Variants in GALNT17 observed in about 807,000 individuals in gnomAD.
The protein encoded by GALNT17 is polypeptide N-acetylgalactosaminyltransferase 17, also known as UDP-GalNAc:polypeptide N-acetylgalactosaminyltransferase-like 3.
In GALNT17, 29 loss-of-function variants were observed where a neutral mutation model predicts 63.7. The ratio of observed to expected loss-of-function variants is 0.46; its 90% CI spans 0.34 to 0.62. The LOEUF (loss-of-function observed/expected upper bound fraction) is 0.62. Ranked by LOEUF, GALNT17 falls within the 20% of genes least tolerant of loss-of-function variation. The pLI is 0.01. For missense variants in GALNT17, 603 were observed against 799.6 expected (o/e 0.75, Z 2.97); for synonymous variants, 305 against 318.3 (o/e 0.96, Z 0.45).
At chr7:71,463,545 G>A (rs1320748617) in intron 5 of GALNT17, among the ~76,000 whole-genome samples, 1 of 152,046 alleles carries the variant, frequency 6.6e-6, no homozygotes. Flanking sequence ...AGAAAGTAAA[G>A]GAATGAAAAA....
intron 5 of GALNT17, among the ~76,000 whole-genome samples, chr7:71,562,242 G>C (rs181095389): frequency 1.5e-3 from 222 of 152,272 alleles, no homozygotes; most frequent in African/African-American, 5.2e-3. Context: ...AGGATTACAG[G>C]TGTGCACCAC....
intron 5 of GALNT17, among the ~76,000 whole-genome samples, chr7:71,443,364 C>T (rs1002145440): frequency 8.5e-5 from 13 of 152,100 alleles, no homozygotes; most frequent in Non-Finnish European, 1.3e-4. Context: ...TTGTCGCTTC[C>T]GAATCTCATG....
At chr7:71,193,932 T>G (rs926777102) in intron 1 of GALNT17, among the ~76,000 whole-genome samples, 1 of 152,188 alleles carries the variant, frequency 6.6e-6, no homozygotes, top group African/African-American at 2.4e-5. Flanking sequence ...GCTATACTGG[T>G]TTCTTGTATC....
Position 71,227,165 on chromosome 7 carries a change from C to G in GALNT17, c.238+94125C>G, listed in dbSNP as rs139892686. ...AGAGCCTGGGCAAGATAGGGAGACA[C>G]CGTCTCTACAAAAAAAAAAAAAAAA... is the stretch of plus-strand genomic sequence containing the variant. On this transcript the variant is annotated intron_variant, in intron 1 of 10. Coordinates refer to ENST00000333538, the MANE Select transcript of GALNT17 (RefSeq NM_022479.3). Among the ~76,000 whole-genome samples the G allele has an allele frequency of 4.3e-3, 514 of 120,716 alleles. 6 individuals carry two copies. Among genetic ancestry groups the G allele is most frequent in the African/African-American group, 0.017 (482 of 28,704 alleles). The allele number at this position is 120,716 out of a possible 152,430, so 79.2% of individuals were successfully genotyped here. A position where few individuals can be genotyped will look rare whatever the true frequency, so the allele number is the denominator to read the frequency against.
At chr7:71,362,175 C>T (rs754868174) in intron 2 of GALNT17, among the ~76,000 whole-genome samples, 2 of 152,122 alleles carry the variant, frequency 1.3e-5, no homozygotes, top group Non-Finnish European at 2.9e-5. Flanking sequence ...CCAGGCTGGT[C>T]TCGAACCCCT....
intron 6 of GALNT17, among the ~76,000 whole-genome samples, chr7:71,602,821 A>G (rs73702233): frequency 1.6e-3 from 250 of 152,300 alleles, no homozygotes; most frequent in African/African-American, 5.8e-3. Flanking sequence ...TACTTCTGCC[A>G]CTGGACTGAT....
rs1455792491 is a variant in GALNT17 at position 71,628,116 on chromosome 7, A to C, written c.1081-37295A>C. On this transcript the variant is annotated intron_variant, in intron 6 of 10. Coordinates refer to ENST00000333538, the MANE Select transcript of GALNT17 (RefSeq NM_022479.3). ...CCTCATAGAGAGGTGATAATGAAAA[A>C]AAAAGGCTGAGAGACACTGATGTGG... is the stretch of plus-strand genomic sequence containing the variant. Among the ~76,000 whole-genome samples, 3 of 152,144 alleles carry C rather than the reference A, an allele frequency of 2.0e-5. No individual in the cohort carries two copies. The East Asian group carries it at 5.8e-4, about 29-fold the overall frequency.
At chr7:71,415,030 C>T (rs1269580319) in intron 3 of GALNT17, among the ~76,000 whole-genome samples, 6 of 151,668 alleles carry the variant, frequency 4.0e-5, no homozygotes, top group African/African-American at 1.5e-4. Flanking sequence ...TAAAATTAGA[C>T]ACCAGGTCTT....
chr7:71,557,842 G>C (rs1418008898), intron 5 of GALNT17, among the ~76,000 whole-genome samples: 1 of 151,948 alleles, frequency 6.6e-6, no homozygotes, highest in Non-Finnish European at 1.5e-5. Context: ...GGAGGCCAAA[G>C]CAGGCGGATC....
chr7:71,308,240 G>A (rs75518538), intron 1 of GALNT17, among the ~76,000 whole-genome samples: 2,180 of 152,266 alleles, frequency 0.014, 25 homozygotes, highest in Middle Eastern at 0.027. Context: ...GAAGAAAGAA[G>A]CATTGGATTG....
At chr7:71,543,430 C>A (rs898583653) in intron 5 of GALNT17, among the ~76,000 whole-genome samples, 3 of 152,012 alleles carry the variant, frequency 2.0e-5, no homozygotes, top group Non-Finnish European at 4.4e-5. Context: ...TATCAGAAAA[C>A]GTTTAGCATC....
intron 6 of GALNT17, among the ~76,000 whole-genome samples, chr7:71,661,987 T>C (rs1333151723): frequency 6.6e-6 from 1 of 152,058 alleles, no homozygotes; most frequent in Non-Finnish European, 1.5e-5. Flanking sequence ...AACATATGGC[T>C]CCTCCATCCT....
At position 71,165,361 on chromosome 7, in the gene GALNT17, T is replaced by C. The variant is rs557863838; in HGVS notation, c.238+32321T>C. On this transcript the variant is annotated intron_variant, in intron 1 of 10. Coordinates refer to ENST00000333538, the MANE Select transcript of GALNT17 (RefSeq NM_022479.3). ...CGATAAAGTCATACCTGGGACTGGG[T>C]AATTTACAAAAGAAAGAAGTTTAAT... Among the ~76,000 whole-genome samples the C allele has an allele frequency of 2.0e-5, 3 of 152,286 alleles. No homozygotes were observed. In the East Asian group the frequency reaches 5.8e-4, roughly 29 times the overall value.
chr7:71,488,873 C>T (rs1195370690), intron 5 of GALNT17, among the ~76,000 whole-genome samples: 9 of 147,766 alleles, frequency 6.1e-5, no homozygotes, highest in South Asian at 2.2e-4. Flanking sequence ...TGAGCCACCG[C>T]GCCCAGCCAG....
chr7:71,204,685 C>A (rs1338306626), intron 1 of GALNT17, among the ~76,000 whole-genome samples: 1 of 151,878 alleles, frequency 6.6e-6, no homozygotes, highest in African/African-American at 2.4e-5. Context: ...CCTGCCTCAG[C>A]CACCTGAGTA....
chr7:71,693,915 C>T (rs960150021), intron 9 of GALNT17, among the ~76,000 whole-genome samples: 2 of 151,762 alleles, frequency 1.3e-5, no homozygotes, highest in Non-Finnish European at 2.9e-5. Flanking sequence ...GTCGGGGAAG[C>T]TAATATCCAC....
chr7:71,624,550 A>G (rs1359977697), intron 6 of GALNT17, among the ~76,000 whole-genome samples: 1 of 152,238 alleles, frequency 6.6e-6, no homozygotes. Context: ...AGTGTCATTC[A>G]CTGCTGTAGA....
intron 5 of GALNT17, among the ~76,000 whole-genome samples, chr7:71,508,410 G>A (rs1165947259): frequency 6.6e-6 from 1 of 152,186 alleles, no homozygotes; most frequent in African/African-American, 2.4e-5. Flanking sequence ...GTTTGTATCT[G>A]TGACACTGTA....
intron 5 of GALNT17, among the ~76,000 whole-genome samples, chr7:71,457,041 T>C (rs1169221988): frequency 6.6e-6 from 1 of 152,190 alleles, no homozygotes; most frequent in Admixed American, 6.5e-5. Context: ...TTAGTCTGGC[T>C]CAGTGTGTCT....
Sources: allele counts gnomAD v4.1 joint callset (sites outside exome capture counted in the v4.1 genomes callset), GRCh38; gene constraint gnomAD v4.1.1; transcripts MANE v1.5; gene names NCBI Gene and HGNC (gene_info 2026-07-23, HGNC 2026-07-21).